PGM5: variants seen among roughly 807,000 people sequenced by gnomAD.
The protein encoded by PGM5 is phosphoglucomutase-like protein 5.
A neutral mutation model predicts 59.2 loss-of-function variants in PGM5; 23 were observed. That is an observed-to-expected ratio of 0.39 (90% CI 0.28 to 0.55). The LOEUF is 0.55. Among genes scored for constraint, PGM5 ranks in the 20% least tolerant of loss-of-function variants. The pLI is 0.66. For synonymous variants in PGM5, 214 were observed against 286.0 expected, an observed-to-expected ratio of 0.75 and a Z score of 2.54; for missense variants, 574 against 748.3, an observed-to-expected ratio of 0.77 and a Z score of 2.72.
At chr9:68,370,329 T>C (rs1234623158) in intron 1 of PGM5, among the ~76,000 whole-genome samples, 1 of 152,168 alleles carries the variant, frequency 6.6e-6, no homozygotes, top group Non-Finnish European at 1.5e-5. Flanking sequence ...AAAGGGTAAG[T>C]CTGATTTAAG....
intron 6 of PGM5, among the ~76,000 whole-genome samples, chr9:68,401,880 TATA>T (rs1162548044): frequency 0.066 from 633 of 9,526 alleles, 3 homozygotes; most frequent in African/African-American, 0.16. Context: ...TACACAGCTA[TATA>T]TATATATGTG....
At position 68,497,628 on chromosome 9, in the gene PGM5, T is replaced by G. The variant is rs7875245; in HGVS notation, c.1480-1599T>G. 274 of 152,204 alleles carry G rather than the reference T, an allele frequency of 1.8e-3. 1 individual carries two copies. The highest frequency in any genetic ancestry group is 6.2e-3 in the African/African-American group (256 of 41,564). The allele number at this position is 152,204 out of a possible 1,614,324, so 9.4% of individuals were successfully genotyped here. ...ATGCAGCAGGTATATATATTTTTAC[T>G]AATGGCTTATTCTTAAACAGGACTT... On this transcript the variant is annotated intron_variant, in intron 9 of 10. Coordinates refer to ENST00000396396, the MANE Select transcript of PGM5 (RefSeq NM_021965.4).
intron 1 of PGM5, chr9:68,371,543 A>G (rs1257274541): frequency 6.6e-6 from 1 of 152,182 alleles, no homozygotes; most frequent in Non-Finnish European, 1.5e-5. Context: ...TAATTTAACA[A>G]AGAGTTTTTG....
chr9:68,410,195 G>C (rs1172848487), intron 6 of PGM5, among the ~76,000 whole-genome samples: 1 of 152,232 alleles, frequency 6.6e-6, no homozygotes, highest in Non-Finnish European at 1.5e-5. Context: ...GGAGATTCAT[G>C]GAAGTGGATA....
At chr9:68,523,695 C>A (rs968685702) in intron 10 of PGM5, among the ~76,000 whole-genome samples, 1 of 152,070 alleles carries the variant, frequency 6.6e-6, no homozygotes, top group African/African-American at 2.4e-5. Flanking sequence ...ATTGCCTGCC[C>A]CGAAAGATGA....
intron 7 of PGM5, chr9:68,466,235 C>A: frequency 8.2e-7 from 1 of 1,213,660 alleles, no homozygotes; most frequent in South Asian, 1.5e-5. Flanking sequence ...TGCTGATGAG[C>A]CTGTTGAAGG....
chr9:68,408,243 G>C (rs1215870716), intron 6 of PGM5, among the ~76,000 whole-genome samples: 1 of 152,186 alleles, frequency 6.6e-6, no homozygotes, highest in Non-Finnish European at 1.5e-5. Flanking sequence ...TCCATCAAGG[G>C]CCAACTCCTA....
In PGM5 at chr9:68,384,609, A is replaced by AG. The variant is rs781958803; in HGVS notation, c.571+68dup. 1.0e-4 allele frequency: 108 copies of AG among 1,058,350 alleles called. 1 individual carries two copies. The highest frequency in any genetic ancestry group is 1.5e-4 in the Non-Finnish European group (104 of 708,876). 65.6% of individuals were successfully genotyped at this position (1,058,350 alleles called of 1,614,324 possible). The stretch of plus-strand genomic sequence containing the variant: ...GTGGATGGGGCTGACTGGTTTCTGT[A>AG]GGGAAGTAAACTCATGAAAATTATT... On this transcript the variant is annotated intron_variant, in intron 3 of 10. Transcript: ENST00000396396.
intron 6 of PGM5, among the ~76,000 whole-genome samples, chr9:68,438,328 G>A (rs536644821): frequency 2.2e-4 from 33 of 150,556 alleles, no homozygotes; most frequent in East Asian, 1.8e-3. Context: ...GAATCTGAGC[G>A]GTTGAAGGTA....
intron 6 of PGM5, among the ~76,000 whole-genome samples, chr9:68,421,770 C>T (rs1187846312): frequency 2.0e-5 from 3 of 151,826 alleles, no homozygotes; most frequent in Non-Finnish European, 4.4e-5. Flanking sequence ...ATTCTGCTTT[C>T]CTGACTGGCC....
rs180703323 is a variant in PGM5, at chr9:68,474,064, G to A, written c.1160-5354G>A. ...GCTGAAGCAAGTGACTTTCAAGCCC[G>A]GCTGCCTGTGAAAATCACCCAAGGA... is the stretch of plus-strand genomic sequence containing the variant. On this transcript the variant is annotated intron_variant, in intron 7 of 10. Transcript: ENST00000396396. Among the ~76,000 whole-genome samples the A allele has an allele frequency of 4.6e-5, 7 of 152,226 alleles. No homozygotes were observed. The East Asian group carries it at 5.8e-4, about 13-fold the overall frequency.
At chr9:68,475,594 G>T (rs1404720827) in intron 7 of PGM5, among the ~76,000 whole-genome samples, 5 of 151,602 alleles carry the variant, frequency 3.3e-5, no homozygotes, top group Non-Finnish European at 5.9e-5. Flanking sequence ...ATTACCTATT[G>T]GATACAATGT....
chr9:68,493,265 G>T (rs781819390), intron 9 of PGM5, among the ~76,000 whole-genome samples: 16 of 152,016 alleles, frequency 1.1e-4, no homozygotes, highest in Non-Finnish European at 1.8e-4. Flanking sequence ...TTACACAAGG[G>T]TTTATTTTTA....
At chr9:68,468,130 G>A (rs1162536787) in intron 7 of PGM5, among the ~76,000 whole-genome samples, 2 of 151,614 alleles carry the variant, frequency 1.3e-5, no homozygotes, top group African/African-American at 2.4e-5. Context: ...TCATCACCCA[G>A]GAATTAAGCC....
chr9:68,489,020 C>T lies in PGM5; in HGVS notation c.1479+4972C>T, dbSNP rs117389736. On this transcript the variant is annotated intron_variant, in intron 9 of 10. Coordinates refer to ENST00000396396, the MANE Select transcript of PGM5 (RefSeq NM_021965.4). ...GGGTGAGCCACTCTTTCTTCAGGGGCGACTTCATTGTGCAAACATCGAGGG... is the reference window on the plus strand; with the variant it reads ...GGGTGAGCCACTCTTTCTTCAGGGGTGACTTCATTGTGCAAACATCGAGGG... Among the ~76,000 whole-genome samples the T allele has an allele frequency of 1.3e-3, 199 of 152,190 alleles. 3 individuals carry two copies. In the East Asian group the frequency reaches 0.029, roughly 22 times the overall value.
chr9:68,436,902 C>A (rs1476418336), intron 6 of PGM5, among the ~76,000 whole-genome samples: 1 of 152,206 alleles, frequency 6.6e-6, no homozygotes, highest in Non-Finnish European at 1.5e-5. Flanking sequence ...GATGTATTTC[C>A]TGACTCATTC....
At chr9:68,387,950 G>C (rs797025847) in intron 4 of PGM5, among the ~76,000 whole-genome samples, 1 of 151,946 alleles carries the variant, frequency 6.6e-6, no homozygotes, top group South Asian at 2.1e-4. Context: ...TTACCTTCCA[G>C]AGTTAAATTT....
In PGM5 at chr9:68,387,374, A is replaced by G. The variant is rs1215268251; in HGVS notation, c.572-89A>G. The G allele has an allele frequency of 9.9e-6, 11 of 1,112,138 alleles. No homozygotes were observed. The East Asian group carries it at 2.4e-4, about 24-fold the overall frequency. The allele number at this position is 1,112,138 out of a possible 1,614,324, so 68.9% of individuals were successfully genotyped here. On this transcript the variant is annotated intron_variant, in intron 3 of 10. Coordinates refer to ENST00000396396, the MANE Select transcript of PGM5 (RefSeq NM_021965.4). Reference sequence around the variant, plus strand: ...ATGATGGGCTTGTGACCAGAATTTCATGCTCTTAAGGTAGTGATTCTTTTT... The same window carrying G: ...ATGATGGGCTTGTGACCAGAATTTCGTGCTCTTAAGGTAGTGATTCTTTTT...
At chr9:68,456,776 C>A (rs782024239) in intron 6 of PGM5, among the ~76,000 whole-genome samples, 24 of 151,996 alleles carry the variant, frequency 1.6e-4, no homozygotes, top group Non-Finnish European at 2.9e-4. Context: ...AGGAGCCCAC[C>A]ACCATGCCTG....
Sources: allele counts gnomAD v4.1 joint callset (sites outside exome capture counted in the v4.1 genomes callset), GRCh38; gene constraint gnomAD v4.1.1; transcripts MANE v1.5; gene names NCBI Gene and HGNC (gene_info 2026-07-23, HGNC 2026-07-21).